Variants in ENTPD5 observed in about 807,000 individuals in gnomAD.
The protein encoded by ENTPD5 is ectonucleoside triphosphate diphosphohydrolase 5 (inactive), also known as nucleoside diphosphate phosphatase ENTPD5.
A neutral mutation model predicts 60.2 loss-of-function variants in ENTPD5; 49 were observed. That is an observed-to-expected ratio of 0.81 (90% confidence interval 0.65 to 1.03). The LOEUF (loss-of-function observed/expected upper bound fraction) is 1.03, where lower values mean the gene tolerates loss of function less well. Ranked by LOEUF, ENTPD5 falls within the 50% of genes least tolerant of loss-of-function variation. The pLI is 0.00. For missense variants in ENTPD5, 480 were observed against 507.6 expected (o/e 0.95, Z 0.52); for synonymous variants, 187 against 185.4 (o/e 1.01, Z -0.07).
At chr14:73,961,846 G>A (rs371267807), downstream of ENTPD5, 9 of 1,614,040 alleles carry the variant, frequency 5.6e-6, no homozygotes, top group East Asian at 6.7e-5. Context: ...GTGCCTCCCC[G>A]CTTGTGTTGC....
At chr14:73,990,419 T>C (rs868212174) in intron 3 of ENTPD5, among the ~76,000 whole-genome samples, 27 of 151,852 alleles carry the variant, frequency 1.8e-4, no homozygotes, top group African/African-American at 5.6e-4. Context: ...ACTGCAATCA[T>C]CACCTCCCGG....
intron 10 of ENTPD5, 115 bp downstream of exon 10, chr14:73,975,821 A>C: frequency 1.2e-6 from 1 of 856,048 alleles, no homozygotes; most frequent in East Asian, 2.5e-5. Context: ...GCCTTAGGGA[A>C]TTGGCACAGA....
At chr14:73,955,734 G>A, downstream of ENTPD5, 1 of 1,606,440 alleles carries the variant, frequency 6.2e-7, no homozygotes, top group East Asian at 2.2e-5. Context: ...ACTTGGGAAA[G>A]CAATATTGTT....
rs547671569 is a variant in ENTPD5, at chr14:73,972,945, C to A, written c.966G>T (p.Gln322His). ...RGKLHQPEEV[Q>H]RGSFYAFSYY... Reference sequence around the variant, plus strand: ...AAGAGAAAGCATAGAAGGAACCTCTCTGGACCTCCTCTGGCTGGTGAAGTT... The same window carrying A: ...AAGAGAAAGCATAGAAGGAACCTCTATGGACCTCCTCTGGCTGGTGAAGTT... Residue 322 changes from glutamine to histidine, a missense_variant, in exon 13 of 16, where the codon CAG (glutamine) becomes CAT (histidine). Gln to His is a conservative substitution (Grantham distance 24, BLOSUM62 0). Coordinates refer to ENST00000334696, the MANE Select transcript of ENTPD5 (RefSeq NM_001249.5). The A allele has an allele frequency of 1.2e-6, 2 of 1,614,234 alleles. No homozygotes were observed. The highest frequency in any genetic ancestry group is 2.2e-5 in the South Asian group (2 of 91,088).
At chr14:74,010,182 C>T (rs534184486) in intron 3 of ENTPD5, among the ~76,000 whole-genome samples, 276 of 152,318 alleles carry the variant, frequency 1.8e-3, no homozygotes, top group Non-Finnish European at 3.1e-3. Flanking sequence ...CAGCCTCAGC[C>T]TCCCAAGTCC....
intron 3 of ENTPD5, among the ~76,000 whole-genome samples, chr14:74,006,074 T>G (rs1281467800): frequency 6.6e-6 from 1 of 151,812 alleles, no homozygotes; most frequent in Non-Finnish European, 1.5e-5. Context: ...CCACAACCTC[T>G]GCCTCCCAGG....
In ENTPD5 at chr14:73,988,062, AC is replaced by A; in HGVS notation, c.40del (p.Val14TyrfsTer65). 1 of 1,613,574 alleles carries A rather than the reference AC, an allele frequency of 6.2e-7. No individual in the cohort carries two copies. The highest frequency in any genetic ancestry group is 8.5e-7 in the Non-Finnish European group (1 of 1,179,936). ...GGAGACAGCGCTGCAAACACAGGAT[AC>A]CACCAGCATGAAAAAGACTGTGCCC... ...SWGTVFFMLV[V>X]SCVCSAVSHR... On this transcript the variant is annotated frameshift_variant, in exon 4 of 16. Coordinates refer to ENST00000334696, the MANE Select transcript of ENTPD5 (RefSeq NM_001249.5). LOFTEE classifies it high-confidence loss of function.
intron 3 of ENTPD5, among the ~76,000 whole-genome samples, chr14:74,006,972 GAATTA>G (rs1370081102): frequency 5.9e-5 from 9 of 152,056 alleles, no homozygotes; most frequent in African/African-American, 1.7e-4. Context: ...TATCAGTTAA[GAATTA>G]AATAATAAAT....
chr14:74,006,336 T>A (rs538631010), intron 3 of ENTPD5, among the ~76,000 whole-genome samples: 97 of 144,664 alleles, frequency 6.7e-4, no homozygotes, highest in African/African-American at 2.3e-3. Flanking sequence ...CAGGCAGGAG[T>A]GCAGTGGCAC....
At chr14:74,008,036 G>A (rs187672951) in intron 3 of ENTPD5, among the ~76,000 whole-genome samples, 1 of 151,758 alleles carries the variant, frequency 6.6e-6, no homozygotes, top group South Asian at 2.1e-4. Flanking sequence ...GTTTCACTAT[G>A]TTGGCCACAC....
chr14:73,983,623 CAAAA>C (rs368194848), intron 5 of ENTPD5, among the ~76,000 whole-genome samples: 1 of 104,448 alleles, frequency 9.6e-6, no homozygotes, highest in African/African-American at 3.2e-5. Flanking sequence ...CACTCCATCT[CAAAA>C]AAAAAAAAAA....
At chr14:73,978,963 T>C (rs987414115) in intron 6 of ENTPD5, among the ~76,000 whole-genome samples, 3 of 151,806 alleles carry the variant, frequency 2.0e-5, no homozygotes, top group African/African-American at 7.3e-5. Context: ...GCATTTGAGA[T>C]CCTACATGAT....
chr14:73,958,219 C>G (rs1170799064), downstream of ENTPD5: 2 of 1,614,096 alleles, frequency 1.2e-6, no homozygotes. Context: ...ATGGCCGACT[C>G]CAGCCCTTGG....
chr14:73,976,385 G>A lies in ENTPD5; in HGVS notation c.581C>T (p.Thr194Ile). Residue 194 changes from threonine (T) to isoleucine (I), a missense_variant, in exon 9 of 16, where the codon ACT becomes ATT. Thr to Ile is a moderately conservative substitution (Grantham distance 89, BLOSUM62 -1). Transcript: ENST00000334696. ...TCCCCCTAGGTCCAAGGTCCCCACAGTCTCCTGTCTGTGGCCATGCAGCTG... is the reference window on the plus strand; with the variant it reads ...TCCCCCTAGGTCCAAGGTCCCCACAATCTCCTGTCTGTGGCCATGCAGCTG... ...TGQLHGHRQETVGTLDLGGAS... is the reference protein window; with the variant it reads ...TGQLHGHRQEIVGTLDLGGAS... 6.2e-7 allele frequency: 1 copy of A among 1,614,150 alleles called. No homozygotes were observed. Among genetic ancestry groups the A allele is most frequent in the Non-Finnish European group, 8.5e-7 (1 of 1,180,016 alleles).
At chr14:74,007,414 A>G (rs1237393020) in intron 3 of ENTPD5, among the ~76,000 whole-genome samples, 3 of 151,992 alleles carry the variant, frequency 2.0e-5, no homozygotes, top group African/African-American at 7.2e-5. Flanking sequence ...TCAGCTACTC[A>G]GGAGGCCGTG....
Position 74,019,237 on chromosome 14 carries a change from C to A in ENTPD5, c.-238+13G>T, listed in dbSNP as rs1349843010. 1 of 194,146 alleles carries A rather than the reference C, an allele frequency of 5.2e-6. No homozygotes were observed. The highest frequency in any genetic ancestry group is 9.4e-6 in the Non-Finnish European group (1 of 105,840). The allele number at this position is 194,146 out of a possible 1,614,324, so 12.0% of individuals were successfully genotyped here. On this transcript the variant is annotated intron_variant, in intron 1 of 15. Coordinates refer to ENST00000334696, the MANE Select transcript of ENTPD5 (RefSeq NM_001249.5). Reference sequence around the variant, plus strand: ...CGTAGAGGATCCGGCGCCGCCGACACTCGCACACTCACCGCGCGCGCGCCA... The same window carrying A: ...CGTAGAGGATCCGGCGCCGCCGACAATCGCACACTCACCGCGCGCGCGCCA...
chr14:73,975,978 G>T lies in ENTPD5; in HGVS notation c.680C>A (p.Ser227Tyr). ...LEQTPRGYLTSFEMFNSTYKL... is the reference protein window; with the variant it reads ...LEQTPRGYLTYFEMFNSTYKL... ...ATAAGTGCTGTTAAACATCTCAAAG[G>T]AAGTGAGGTAGCCCCTAGGAGTTTG... The change falls in exon 10 of 16, where the codon TCC becomes TAC. Residue 227 changes from serine to tyrosine, a missense_variant. Ser to Tyr is a moderately radical substitution (Grantham distance 144). Transcript: ENST00000334696. 1.2e-6 allele frequency: 2 copies of T among 1,613,670 alleles called. No individual in the cohort carries two copies. Among genetic ancestry groups the T allele is most frequent in the Non-Finnish European group, 1.7e-6 (2 of 1,179,874 alleles).
At chr14:74,012,417 C>G (rs1347453296) in intron 2 of ENTPD5, among the ~76,000 whole-genome samples, 1 of 152,106 alleles carries the variant, frequency 6.6e-6, no homozygotes, top group Non-Finnish European at 1.5e-5. Flanking sequence ...GGGACTCATT[C>G]ATCTTTGAAC....
chr14:73,998,345 A>AACCTGGGAGGCCG (rs2058402612), intron 3 of ENTPD5, among the ~76,000 whole-genome samples: 1 of 152,126 alleles, frequency 6.6e-6, no homozygotes, highest in Non-Finnish European at 1.5e-5. Flanking sequence ...AGGGCGGTAG[A>AACCTGGGAGGCCG]AGCTCAGGGC....
Sources: gnomAD v4.1 joint callset for allele counts (sites outside exome capture counted in the v4.1 genomes callset) on GRCh38, gnomAD v4.1.1 for gene constraint, MANE v1.5 for transcripts, NCBI Gene and HGNC (gene_info 2026-07-23, HGNC 2026-07-21) for gene names.